Variants in DNAJC3 observed in about 807,000 individuals in gnomAD.
DNAJC3 encodes the protein DnaJ heat shock protein family (Hsp40) member C3.
In DNAJC3, 38 loss-of-function variants were observed where a neutral mutation model predicts 68.6. That is an observed-to-expected ratio of 0.55 (90% confidence interval 0.43 to 0.73). The LOEUF (loss-of-function observed/expected upper bound fraction) is 0.73. Ranked by LOEUF, DNAJC3 falls within the 30% of genes least tolerant of loss-of-function variation. The probability of loss-of-function intolerance (pLI) is 0.00; values close to 1 mark genes in which losing one functional copy is unlikely to be tolerated. For synonymous variants in DNAJC3, 203 were observed against 204.0 expected, an observed-to-expected ratio of 1.00 and a Z score of 0.04; for missense variants, 526 against 591.9, an observed-to-expected ratio of 0.89 and a Z score of 1.16.
Position 95,690,526 on chromosome 13 carries a change from C to T in DNAJC3, c.82+13189C>T, listed in dbSNP as rs373168289. Among the ~76,000 whole-genome samples, 66 of 150,922 alleles carry T rather than the reference C, an allele frequency of 4.4e-4. 1 individual carries two copies. In the East Asian group the frequency reaches 9.2e-3, roughly 21 times the overall value. ...TACACCTCCCAGACGGGGTGGTGGCCGGGCAGAGGGGCTCCTCACTTCCCA... is the reference window on the plus strand; with the variant it reads ...TACACCTCCCAGACGGGGTGGTGGCTGGGCAGAGGGGCTCCTCACTTCCCA... On this transcript the variant is annotated intron_variant, in intron 1 of 11. Coordinates refer to ENST00000602402, the MANE Select transcript of DNAJC3 (RefSeq NM_006260.5).
intron 4 of DNAJC3, among the ~76,000 whole-genome samples, chr13:95,739,660 C>T (rs1774055598): frequency 6.6e-6 from 1 of 152,196 alleles, no homozygotes; most frequent in East Asian, 1.9e-4. Context: ...TTTTCAGCTC[C>T]ATCAGCTCCT....
In DNAJC3 at chr13:95,711,306, C is replaced by T. The variant is rs138414459; in HGVS notation, c.193+1969C>T. On this transcript the variant is annotated intron_variant, in intron 2 of 11. Transcript: ENST00000602402. Reference sequence around the variant, plus strand: ...TGAGGTCAGGAGTTTGGGACCAGCCCGGACAACATGGTGAAACTTGTCTCT... The same window carrying T: ...TGAGGTCAGGAGTTTGGGACCAGCCTGGACAACATGGTGAAACTTGTCTCT... Among the ~76,000 whole-genome samples the T allele has an allele frequency of 2.6e-3, 401 of 152,092 alleles. 4 individuals carry two copies. Among genetic ancestry groups the T allele is most frequent in the East Asian group, 3.3e-3 (17 of 5,156 alleles).
chr13:95,783,405 C>T (rs1883509281), intron 9 of DNAJC3, among the ~76,000 whole-genome samples: 1 of 152,164 alleles, frequency 6.6e-6, no homozygotes, highest in Non-Finnish European at 1.5e-5. Context: ...ATAGAGTCTG[C>T]ACAAGTAGCA....
chr13:95,702,976 G>A (rs1464386113), intron 1 of DNAJC3, among the ~76,000 whole-genome samples: 1 of 152,192 alleles, frequency 6.6e-6, no homozygotes, highest in Non-Finnish European at 1.5e-5. Context: ...TCAGTAATTT[G>A]TGTATAAAAT....
chr13:95,769,326 C>CT (rs1306347191), intron 9 of DNAJC3, among the ~76,000 whole-genome samples: 1 of 152,080 alleles, frequency 6.6e-6, no homozygotes, highest in Non-Finnish European at 1.5e-5. Flanking sequence ...ATGGCTGATG[C>CT]TTTTTTTCAA....
rs1418874147 is a variant in DNAJC3 at position 95,764,857 on chromosome 13, C to A, written c.1075+904C>A. Among the ~76,000 whole-genome samples, 4 of 150,242 alleles carry A rather than the reference C, an allele frequency of 2.7e-5. No individual in the cohort carries two copies. In the East Asian group the frequency reaches 5.9e-4, roughly 22 times the overall value. ...TAAAAAAATAAATGAGCCTTATAAGCCCTTATTGCAAATATTTTGTTTCAA... is the reference window on the plus strand; with the variant it reads ...TAAAAAAATAAATGAGCCTTATAAGACCTTATTGCAAATATTTTGTTTCAA... On this transcript the variant is annotated intron_variant, in intron 9 of 11. Transcript: ENST00000602402.
chr13:95,688,585 G>A (rs1360211791), intron 1 of DNAJC3, among the ~76,000 whole-genome samples: 2 of 150,962 alleles, frequency 1.3e-5, no homozygotes, highest in Non-Finnish European at 2.9e-5. Flanking sequence ...GCTCTATCTC[G>A]GCTCACTGCA....
chr13:95,714,449 A>G (rs1296000688), intron 2 of DNAJC3, among the ~76,000 whole-genome samples: 1 of 151,574 alleles, frequency 6.6e-6, no homozygotes, highest in Non-Finnish European at 1.5e-5. Flanking sequence ...GGATATGTAA[A>G]GAATGTAGAA....
At chr13:95,700,464 C>G (rs976875970) in intron 1 of DNAJC3, among the ~76,000 whole-genome samples, 2 of 152,102 alleles carry the variant, frequency 1.3e-5, no homozygotes, top group Non-Finnish European at 2.9e-5. Flanking sequence ...TCCTTTCTTT[C>G]CATTCCTTAT....
At chr13:95,788,475 CTA>C (rs1474211219) in intron 11 of DNAJC3, among the ~76,000 whole-genome samples, 1 of 152,170 alleles carries the variant, frequency 6.6e-6, no homozygotes, top group African/African-American at 2.4e-5. Flanking sequence ...TCAGGATGAA[CTA>C]TCTTTTCTTT....
intron 2 of DNAJC3, among the ~76,000 whole-genome samples, chr13:95,721,376 T>C (rs764693585): frequency 6.6e-6 from 1 of 152,222 alleles, no homozygotes; most frequent in Admixed American, 6.5e-5. Context: ...TGTGAACATG[T>C]GTGTTTGAAT....
chr13:95,691,776 A>G (rs560605391), intron 1 of DNAJC3, among the ~76,000 whole-genome samples: 121 of 152,322 alleles, frequency 7.9e-4, no homozygotes, highest in Non-Finnish European at 1.4e-3. Context: ...TTGAGCACTG[A>G]GTGAACGAGA....
At chr13:95,723,504 C>A (rs1881411266) in intron 3 of DNAJC3, 138 bp downstream of exon 3, 2 of 924,592 alleles carry the variant, frequency 2.2e-6, no homozygotes, top group Non-Finnish European at 3.0e-6. Context: ...GACTGAGGAA[C>A]AAGAGAAATT....
At position 95,792,482 on chromosome 13, in the gene DNAJC3, T is replaced by C. The variant is rs950146186; in HGVS notation, c.*1452T>C. The stretch of plus-strand genomic sequence containing the variant: ...TTTTTCTTAATGAAATCAAGCATTT[T>C]AATTCACTGTGGGAGGCATCCTGAC... On this transcript the variant is annotated 3_prime_UTR_variant, in exon 12 of 12. Coordinates refer to ENST00000602402, the MANE Select transcript of DNAJC3 (RefSeq NM_006260.5). 3.3e-5 allele frequency: 5 copies of C among 152,226 alleles called. No homozygotes were observed. Among genetic ancestry groups the C allele is most frequent in the Non-Finnish European group, 4.4e-5 (3 of 68,030 alleles). 9.4% of individuals were successfully genotyped at this position (152,226 alleles called of 1,614,324 possible).
intron 1 of DNAJC3, among the ~76,000 whole-genome samples, chr13:95,703,040 C>T (rs765940337): frequency 2.6e-5 from 4 of 152,160 alleles, no homozygotes; most frequent in Non-Finnish European, 5.9e-5. Context: ...TCTTGTTATT[C>T]ATGGTGGTTA....
intron 4 of DNAJC3, among the ~76,000 whole-genome samples, chr13:95,740,123 C>T (rs12585954): frequency 0.068 from 10,321 of 152,220 alleles, 479 homozygotes; most frequent in East Asian, 0.18. Flanking sequence ...TTAGGCTGCT[C>T]GGGGGTCGGG....
intron 7 of DNAJC3, among the ~76,000 whole-genome samples, chr13:95,761,705 A>T (rs542618474): frequency 3.9e-5 from 6 of 152,068 alleles, no homozygotes; most frequent in Non-Finnish European, 8.8e-5. Context: ...ATTCACTTGT[A>T]GAATTCTGTC....
chr13:95,712,323 A>G (rs1044366895), intron 2 of DNAJC3, among the ~76,000 whole-genome samples: 1 of 150,602 alleles, frequency 6.6e-6, no homozygotes, highest in African/African-American at 2.4e-5. Flanking sequence ...GATACCCACT[A>G]TTACTACTTG....
chr13:95,713,780 C>T (rs1881049428), intron 2 of DNAJC3, among the ~76,000 whole-genome samples: 1 of 152,152 alleles, frequency 6.6e-6, no homozygotes, highest in South Asian at 2.1e-4. Context: ...GAGGACAGTC[C>T]AAATAGCAAC....
Sources: allele counts gnomAD v4.1 joint callset (sites outside exome capture counted in the v4.1 genomes callset), GRCh38; gene constraint gnomAD v4.1.1; transcripts MANE v1.5; gene names NCBI Gene and HGNC (gene_info 2026-07-23, HGNC 2026-07-21).